The following PDE8B variants were observed in gnomAD, a reference collection of about 807,000 sequenced individuals.
The protein encoded by PDE8B is high affinity cAMP-specific and IBMX-insensitive 3',5'-cyclic phosphodiesterase 8B.
PDE8B carries 26 observed loss-of-function variants against 101.3 expected under a neutral mutation model. The observed-to-expected ratio is 0.26, with a 90% CI of 0.19 to 0.36. The LOEUF (loss-of-function observed/expected upper bound fraction) is 0.36, where lower values mean the gene tolerates loss of function less well. Among genes scored for constraint, PDE8B ranks in the 10% least tolerant of loss-of-function variants. PDE8B has a pLI of 1.00. For synonymous variants in PDE8B, 424 were observed against 429.3 expected (o/e 0.99, Z 0.15); for missense variants, 810 against 1,163.1 (o/e 0.70, Z 4.42).
At chr5:77,220,159 C>T (rs987488327) in intron 1 of PDE8B, among the ~76,000 whole-genome samples, 4 of 152,192 alleles carry the variant, frequency 2.6e-5, no homozygotes, top group Admixed American at 1.3e-4. Flanking sequence ...TGGTTGCTGC[C>T]CTGCCCTTCT....
chr5:77,230,987 G>A (rs770205452), intron 1 of PDE8B, among the ~76,000 whole-genome samples: 3 of 152,200 alleles, frequency 2.0e-5, no homozygotes, highest in South Asian at 2.1e-4. Context: ...TGTAAGTGCA[G>A]AAACTAAGAT....
In PDE8B at chr5:77,215,317, C is replaced by T. The variant is rs1281630566; in HGVS notation, c.339+4053C>T. On this transcript the variant is annotated intron_variant, in intron 1 of 21. Coordinates refer to ENST00000264917, the MANE Select transcript of PDE8B (RefSeq NM_003719.5). ...TTGGAATTCTTGCTAGGCCTTTCAC[C>T]ATCATTTTTCATTTTAAAATGAAGT... 2.0e-5 allele frequency among the ~76,000 whole-genome samples: 3 copies of T among 152,148 alleles called. No homozygotes were observed. In the East Asian group the frequency reaches 5.8e-4, roughly 29 times the overall value.
chr5:77,226,596 C>T (rs184585787), intron 1 of PDE8B, among the ~76,000 whole-genome samples: 1 of 152,118 alleles, frequency 6.6e-6, no homozygotes, highest in Admixed American at 6.5e-5. Context: ...TTTTTTAGTA[C>T]AATAGTGACA....
chr5:77,397,101 C>T (rs1194130742), intron 10 of PDE8B, among the ~76,000 whole-genome samples: 5 of 134,112 alleles, frequency 3.7e-5, no homozygotes, highest in Admixed American at 8.3e-5. Context: ...GGCATGATCT[C>T]GGCTCACTGT....
rs552435397 is a variant in PDE8B at position 77,387,780 on chromosome 5, A to G, written c.1168-12468A>G. Among the ~76,000 whole-genome samples, 7 of 151,830 alleles carry G rather than the reference A, an allele frequency of 4.6e-5. No individual in the cohort carries two copies. The East Asian group carries it at 1.2e-3, about 25-fold the overall frequency. ...TTGGAGGCCTTGTTCATTCCTTTTC[A>G]TTCTTTTTTCTCTAATCTTGTCTTC... On this transcript the variant is annotated intron_variant, in intron 10 of 21. Coordinates refer to ENST00000264917, the MANE Select transcript of PDE8B (RefSeq NM_003719.5).
chr5:77,375,779 C>T (rs1447274076), intron 10 of PDE8B, among the ~76,000 whole-genome samples: 2 of 151,974 alleles, frequency 1.3e-5, no homozygotes, highest in Non-Finnish European at 2.9e-5. Context: ...CTGCTCATGT[C>T]ACATGAGATA....
chr5:77,337,361 GA>G, intron 6 of PDE8B, 46 bp downstream of exon 6: 1 of 976,258 alleles, frequency 1.0e-6, no homozygotes, highest in East Asian at 2.4e-5. Context: ...CAATTCTTTA[GA>G]AAATCTTATC....
intron 14 of PDE8B, 100 bp from the exon 15 acceptor site, chr5:77,411,576 G>T: frequency 1.1e-6 from 1 of 942,822 alleles, no homozygotes; most frequent in Non-Finnish European, 1.7e-6. Flanking sequence ...AGATTGGTTG[G>T]GTTATTCAGG....
chr5:77,179,702 A>G, the PDE8B span, among the ~76,000 whole-genome samples: 2,288 of 152,238 alleles, frequency 0.015, 16 homozygotes, highest in Middle Eastern at 0.045. Context: ...TGTCCCTACA[A>G]TTAAGGCTGA....
chr5:77,381,749 C>A (rs191700348), intron 10 of PDE8B, among the ~76,000 whole-genome samples: 23 of 152,128 alleles, frequency 1.5e-4, no homozygotes, highest in Non-Finnish European at 2.6e-4. Flanking sequence ...AATTTAAGGT[C>A]ATGGGAGAAC....
At chr5:77,316,910 C>G (rs1244543972) in intron 2 of PDE8B, among the ~76,000 whole-genome samples, 1 of 152,162 alleles carries the variant, frequency 6.6e-6, no homozygotes, top group Non-Finnish European at 1.5e-5. Context: ...AAGAGTACCT[C>G]TTTGAGTGAA....
the PDE8B span, among the ~76,000 whole-genome samples, chr5:77,103,936 TGA>T: frequency 3.3e-5 from 5 of 152,214 alleles, no homozygotes; most frequent in Admixed American, 6.5e-5. Context: ...GTGTTTTCAT[TGA>T]GAGAGTCATC....
chr5:77,290,864 T>C, intron 1 of PDE8B: 2 of 1,571,264 alleles, frequency 1.3e-6, no homozygotes, highest in East Asian at 2.2e-5. Context: ...CCCTCATTAG[T>C]GTGGCTGTCA....
At chr5:77,138,277 T>C in the PDE8B span, among the ~76,000 whole-genome samples, 3 of 152,116 alleles carry the variant, frequency 2.0e-5, no homozygotes, top group African/African-American at 7.2e-5. Flanking sequence ...TCCCCACCCT[T>C]CCCTACACCT....
chr5:77,109,117 A>G, the PDE8B span, among the ~76,000 whole-genome samples: 1 of 152,218 alleles, frequency 6.6e-6, no homozygotes, highest in Non-Finnish European at 1.5e-5. Context: ...AGACAGATTA[A>G]TGATGCATAG....
At chr5:77,101,789 G>T in the PDE8B span, among the ~76,000 whole-genome samples, 508 of 152,134 alleles carry the variant, frequency 3.3e-3, 2 homozygotes, top group African/African-American at 0.012. Flanking sequence ...TACTGTGTAG[G>T]TACTTACATG....
chr5:77,179,335 G>T, the PDE8B span, among the ~76,000 whole-genome samples: 2 of 152,226 alleles, frequency 1.3e-5, no homozygotes, highest in African/African-American at 2.4e-5. Context: ...AGCAGGAACA[G>T]ATTGTTGTTG....
intron 10 of PDE8B, among the ~76,000 whole-genome samples, chr5:77,361,184 A>G (rs888131370): frequency 2.0e-5 from 3 of 152,100 alleles, no homozygotes; most frequent in Non-Finnish European, 4.4e-5. Context: ...CATCTTCCCA[A>G]CTCCACATTC....
At chr5:77,316,446 C>T (rs1001069479) in intron 2 of PDE8B, among the ~76,000 whole-genome samples, 1 of 152,156 alleles carries the variant, frequency 6.6e-6, no homozygotes, top group Non-Finnish European at 1.5e-5. Context: ...ATTGGCCAGG[C>T]TGGTCTCGAA....
Sources: gnomAD v4.1 joint callset for allele counts (sites outside exome capture counted in the v4.1 genomes callset) on GRCh38, gnomAD v4.1.1 for gene constraint, MANE v1.5 for transcripts, NCBI Gene and HGNC (gene_info 2026-07-23, HGNC 2026-07-21) for gene names.